The following ALG14 variants were observed in gnomAD, a reference collection of about 807,000 sequenced individuals.
ALG14 encodes UDP-N-acetylglucosamine transferase subunit ALG14.
In ALG14, 17 loss-of-function variants were observed where a neutral mutation model predicts 22.8. That is an observed-to-expected ratio of 0.75 (90% CI 0.51 to 1.12). The LOEUF (loss-of-function observed/expected upper bound fraction) is 1.12. ALG14 is among the 50% of genes most tolerant of loss of function. The probability of loss-of-function intolerance (pLI) is 0.00; values close to 1 mark genes in which losing one functional copy is unlikely to be tolerated. For synonymous variants in ALG14, 89 were observed against 103.7 expected (o/e 0.86, Z 0.86); for missense variants, 288 against 271.8 (o/e 1.06, Z -0.42).
intron 2 of ALG14, chr1:95,035,680 A>C (rs1674162468): frequency 6.6e-6 from 1 of 152,238 alleles, no homozygotes; most frequent in East Asian, 1.9e-4. Flanking sequence ...AAAAACCACA[A>C]ACATATCTGG....
rs1672418951 is a variant in ALG14 at position 94,977,459 on chromosome 1, A to G, written c.*5617T>C. On this transcript the variant is annotated 3_prime_UTR_variant, in exon 4 of 4. Coordinates refer to ENST00000370205, the MANE Select transcript of ALG14 (RefSeq NM_144988.4). The stretch of plus-strand genomic sequence containing the variant: ...AAACTATTTTCATAGTAATATTAAG[A>G]TGTTATTTGCCTTTTCCTTGTCATT... 2 of 152,146 alleles carry G rather than the reference A, an allele frequency of 1.3e-5. No homozygotes were observed. Among genetic ancestry groups the G allele is most frequent in the African/African-American group, 4.8e-5 (2 of 41,434 alleles). The allele number at this position is 152,146 out of a possible 1,614,324, so 9.4% of individuals were successfully genotyped here. A position where few individuals can be genotyped will look rare whatever the true frequency, so the allele number is the denominator to read the frequency against.
chr1:95,025,823 C>T (rs944721243), intron 3 of ALG14, among the ~76,000 whole-genome samples: 3 of 152,190 alleles, frequency 2.0e-5, no homozygotes, highest in African/African-American at 7.2e-5. Context: ...TTAGGTTTGG[C>T]TTAAGGGAAT....
intron 3 of ALG14, among the ~76,000 whole-genome samples, chr1:95,017,452 C>T (rs769645766): frequency 3.3e-5 from 5 of 152,048 alleles, no homozygotes; most frequent in African/African-American, 4.8e-5. Context: ...ATAATCTGAT[C>T]GGGGCAGTTG....
In ALG14 at chr1:95,040,944, A is replaced by G. The variant is rs1375685856; in HGVS notation, c.289-13684T>C. Among the ~76,000 whole-genome samples the G allele has an allele frequency of 2.0e-5, 3 of 152,354 alleles. No individual in the cohort carries two copies. The East Asian group carries it at 5.8e-4, about 29-fold the overall frequency. On this transcript the variant is annotated intron_variant, in intron 2 of 3. Coordinates refer to ENST00000370205, the MANE Select transcript of ALG14 (RefSeq NM_144988.4). ...ATTTCATCTGTTCAGAACATGATTT[A>G]AAGAAAGTTTAACCTGACTGGCTTT...
intron 3 of ALG14, among the ~76,000 whole-genome samples, chr1:94,991,433 A>G (rs986196185): frequency 6.6e-6 from 1 of 152,266 alleles, no homozygotes; most frequent in African/African-American, 2.4e-5. Flanking sequence ...ACTATACTGA[A>G]TACTGTAGGC....
intron 2 of ALG14, among the ~76,000 whole-genome samples, chr1:95,054,743 T>C (rs1178880443): frequency 2.0e-5 from 3 of 152,126 alleles, no homozygotes; most frequent in Non-Finnish European, 4.4e-5. Flanking sequence ...CTGCAAAACT[T>C]AAAAATAACC....
intron 3 of ALG14, among the ~76,000 whole-genome samples, chr1:94,995,789 G>A (rs1332341968): frequency 2.0e-5 from 3 of 152,148 alleles, no homozygotes; most frequent in East Asian, 1.9e-4. Context: ...CAATAAAAAC[G>A]TCCTTCACTG....
intron 2 of ALG14, among the ~76,000 whole-genome samples, chr1:95,046,792 A>G (rs1397429227): frequency 4.6e-5 from 7 of 152,238 alleles, no homozygotes. Context: ...ACTATAGTTT[A>G]CAATCATTTT....
At chr1:95,022,260 ACAG>A in intron 3 of ALG14, 1 of 952,500 alleles carries the variant, frequency 1.0e-6, no homozygotes, top group Non-Finnish European at 1.3e-6. Flanking sequence ...TCAATGTGAA[ACAG>A]AAGCTATAAC....
At chr1:95,021,116 G>T (rs1345359777) in intron 3 of ALG14, among the ~76,000 whole-genome samples, 1 of 152,166 alleles carries the variant, frequency 6.6e-6, no homozygotes, top group Non-Finnish European at 1.5e-5. Flanking sequence ...GTTAACCAAG[G>T]AGCAGTTATG....
intron 3 of ALG14, among the ~76,000 whole-genome samples, chr1:95,001,621 G>A (rs1258495403): frequency 1.3e-5 from 2 of 152,054 alleles, no homozygotes. Context: ...TCAGCCTCCC[G>A]AGTAGCTGGG....
intron 3 of ALG14, among the ~76,000 whole-genome samples, chr1:95,000,554 A>G (rs7525966): frequency 0.028 from 4,270 of 150,430 alleles, 210 homozygotes; most frequent in African/African-American, 0.1. Flanking sequence ...AAAAAAAAAA[A>G]AAAAAGAAAT....
chr1:94,999,470 C>T (rs990591073), intron 3 of ALG14, among the ~76,000 whole-genome samples: 7 of 151,862 alleles, frequency 4.6e-5, no homozygotes, highest in South Asian at 4.2e-4. Context: ...CATGCAGCCC[C>T]CAAATGTCCC....
At chr1:95,042,707 T>G (rs1369683557) in intron 2 of ALG14, among the ~76,000 whole-genome samples, 1 of 152,252 alleles carries the variant, frequency 6.6e-6, no homozygotes, top group Non-Finnish European at 1.5e-5. Flanking sequence ...TCTGGAAGTT[T>G]TTAGTATCTT....
chr1:95,027,198 G>C lies in ALG14; in HGVS notation c.351C>G (p.Ser117=). The C allele has an allele frequency of 6.2e-7, 1 of 1,614,158 alleles. No homozygotes were observed. The highest frequency in any genetic ancestry group is 8.5e-7 in the Non-Finnish European group (1 of 1,180,006). ...TGGAGTGCAAGGTGGTGAAAACGGTGGAGGGCCAGGACTGCTGAACCTCCC... is the reference window on the plus strand; with the variant it reads ...TGGAGTGCAAGGTGGTGAAAACGGTCGAGGGCCAGGACTGCTGAACCTCCC... ...RSREVQQSWP[S]TVFTTLHSMW... The change falls in exon 3 of 4, where the codon TCC becomes TCG. Residue 117 remains serine (S), a synonymous_variant. Transcript: ENST00000370205.
intron 2 of ALG14, among the ~76,000 whole-genome samples, chr1:95,042,997 C>A (rs1674430948): frequency 6.6e-6 from 1 of 152,096 alleles, no homozygotes; most frequent in East Asian, 1.9e-4. Flanking sequence ...TCAATGTGAT[C>A]TTCCAATCTT....
rs1213196709 is a variant in ALG14 at position 94,974,740 on chromosome 1, T to C, written c.*8336A>G. On this transcript the variant is annotated 3_prime_UTR_variant, in exon 4 of 4. Transcript: ENST00000370205. The stretch of plus-strand genomic sequence containing the variant: ...TTATTTTTCTAATTACCTATTGCTT[T>C]GTGACAAATTATTCCAAAACTTCGT... 1 of 152,256 alleles carries C rather than the reference T, an allele frequency of 6.6e-6. No individual in the cohort carries two copies. Among genetic ancestry groups the C allele is most frequent in the Non-Finnish European group, 1.5e-5 (1 of 68,048 alleles). The allele number at this position is 152,256 out of a possible 1,614,324, so 9.4% of individuals were successfully genotyped here. A position where few individuals can be genotyped will look rare whatever the true frequency, so the allele number is the denominator to read the frequency against.
At chr1:95,064,774 T>C in intron 2 of ALG14, 92 bp downstream of exon 2, 2 of 1,141,164 alleles carry the variant, frequency 1.8e-6, no homozygotes, top group Non-Finnish European at 2.5e-6. Context: ...CCATTGTGGG[T>C]AGGGCACTGA....
At chr1:95,065,072 T>C (rs1291808915) in intron 1 of ALG14, 55 bp from the exon 2 acceptor site, 8 of 1,518,056 alleles carry the variant, frequency 5.3e-6, no homozygotes, top group Non-Finnish European at 7.1e-6. Flanking sequence ...GACATATCCA[T>C]TTGACCATGT....
Sources: allele counts gnomAD v4.1 joint callset (sites outside exome capture counted in the v4.1 genomes callset), GRCh38; gene constraint gnomAD v4.1.1; transcripts MANE v1.5; gene names NCBI Gene and HGNC (gene_info 2026-07-23, HGNC 2026-07-21).